CADM4: variants seen among roughly 807,000 people sequenced by gnomAD.
The protein encoded by CADM4 is TSLC1-like 2.
In CADM4, 13 loss-of-function variants were observed where a neutral mutation model predicts 43.9. The observed-to-expected ratio is 0.30, with a 90% confidence interval of 0.19 to 0.47. The LOEUF (loss-of-function observed/expected upper bound fraction) is 0.47. Ranked by LOEUF, CADM4 falls within the 20% of genes least tolerant of loss-of-function variation. The pLI is 1.00. For synonymous variants in CADM4, 209 were observed against 220.9 expected (o/e 0.95, Z 0.48); for missense variants, 420 against 527.0 (o/e 0.80, Z 1.99).
chr19:43,632,443 C>T (rs1973639318), intron 1 of CADM4, among the ~76,000 whole-genome samples: 2 of 152,134 alleles, frequency 1.3e-5, no homozygotes, highest in South Asian at 4.1e-4. Flanking sequence ...GATCAATTCA[C>T]CTTTCTGCTT....
At chr19:43,639,553 C>T (rs1973745262) in intron 1 of CADM4, among the ~76,000 whole-genome samples, 174 bp downstream of exon 1, 2 of 150,296 alleles carry the variant, frequency 1.3e-5, no homozygotes, top group South Asian at 2.1e-4. Flanking sequence ...CCCGCGCCCC[C>T]TCCCCCGCTC....
At chr19:43,632,750 T>C (rs1177933707) in intron 1 of CADM4, among the ~76,000 whole-genome samples, 21 of 152,260 alleles carry the variant, frequency 1.4e-4, no homozygotes. Flanking sequence ...CTTCCCTCAC[T>C]GCTCATCCCT....
Position 43,627,180 on chromosome 19 carries a change from G to C in CADM4, c.350C>G (p.Thr117Arg). ...GAGGGCGTTACCTAGTACCGTGAGC[G>C]TGGCAATCTGGTGGTGGGTGTCTTC... is the stretch of plus-strand genomic sequence containing the variant. ...YTEDTHHQIA[T>R]LTVLVAPENP... Residue 117 changes from threonine (T) to arginine (R), a missense_variant, in exon 3 of 9, where the codon ACG becomes AGG. Transcript: ENST00000222374. The surrounding 1 kb of genome is among the most constrained non-coding windows in gnomAD (Gnocchi z 4.0). 6.2e-7 allele frequency: 1 copy of C among 1,600,202 alleles called. No individual in the cohort carries two copies. Among genetic ancestry groups the C allele is most frequent in the Non-Finnish European group, 8.5e-7 (1 of 1,171,802 alleles).
intron 1 of CADM4, among the ~76,000 whole-genome samples, chr19:43,630,979 C>CA (rs1482865509): frequency 6.6e-6 from 1 of 152,044 alleles, no homozygotes; most frequent in Non-Finnish European, 1.5e-5. Context: ...GCTGAGTAGT[C>CA]AGAGATGAGT....
At chr19:43,635,271 C>T (rs1973685122) in intron 1 of CADM4, among the ~76,000 whole-genome samples, 1 of 152,104 alleles carries the variant, frequency 6.6e-6, no homozygotes, top group Non-Finnish European at 1.5e-5. Flanking sequence ...GCCTCCTTCC[C>T]CCTTCCTCCC....
upstream of CADM4, among the ~76,000 whole-genome samples, chr19:43,641,772 A>G (rs940606392): frequency 6.6e-6 from 1 of 152,220 alleles, no homozygotes; most frequent in Non-Finnish European, 1.5e-5. Context: ...TCCTCTTTCC[A>G]GGGCTCACAT....
At position 43,627,596 on chromosome 19, in the gene CADM4, C is replaced by CA; in HGVS notation, c.211+47dup. ...TTTCAGGACATGGGAGCCTGGGCCCCAGCCCTCTCTTCCTTTAAGACTCCT... is the reference window on the plus strand; with the variant it reads ...TTTCAGGACATGGGAGCCTGGGCCCCAAGCCCTCTCTTCCTTTAAGACTCCT... On this transcript the variant is annotated intron_variant, in intron 2 of 8. Transcript: ENST00000222374. The surrounding 1 kb of genome is among the most constrained non-coding windows in gnomAD (Gnocchi z 4.0). The CA allele has an allele frequency of 1.3e-6, 2 of 1,576,198 alleles. No individual in the cohort carries two copies. Among genetic ancestry groups the CA allele is most frequent in the South Asian group, 2.2e-5 (2 of 88,930 alleles).
chr19:43,641,288 C>G (rs1159652608), upstream of CADM4, among the ~76,000 whole-genome samples: 1 of 152,122 alleles, frequency 6.6e-6, no homozygotes, highest in East Asian at 1.9e-4. Context: ...CTTTTTATTC[C>G]GACTAAAAAA....
At chr19:43,636,612 C>T (rs1973707612) in intron 1 of CADM4, among the ~76,000 whole-genome samples, 1 of 152,122 alleles carries the variant, frequency 6.6e-6, no homozygotes, top group Non-Finnish European at 1.5e-5. Flanking sequence ...CCCCCCACCC[C>T]TCCCAGAGAG....
In CADM4 at chr19:43,623,206, G is replaced by A. The variant is rs1973466274; in HGVS notation, c.*124C>T. 1 of 733,156 alleles carries A rather than the reference G, an allele frequency of 1.4e-6. No individual in the cohort carries two copies. Among genetic ancestry groups the A allele is most frequent in the African/African-American group, 1.7e-5 (1 of 58,016 alleles). 45.4% of individuals were successfully genotyped at this position (733,156 alleles called of 1,614,324 possible). On this transcript the variant is annotated 3_prime_UTR_variant, in exon 9 of 9. Transcript: ENST00000222374. This position sits in a 1 kb window ranked among gnomAD's most constrained non-coding sequence, Gnocchi z 4.4. Reference sequence around the variant, plus strand: ...CCATCCCTGCCCAAGCGTCTGAGGTGTTAGTGGTGGGGGGAGAAGCCCACC... The same window carrying A: ...CCATCCCTGCCCAAGCGTCTGAGGTATTAGTGGTGGGGGGAGAAGCCCACC...
chr19:43,626,564 TC>T lies in CADM4; in HGVS notation c.499+219del, dbSNP rs1973531864. Among the ~76,000 whole-genome samples, 1 of 152,178 alleles carries T rather than the reference TC, an allele frequency of 6.6e-6. No homozygotes were observed. The highest frequency in any genetic ancestry group is 1.9e-4 in the East Asian group (1 of 5,202). Reference sequence around the variant, plus strand: ...TATATATATACTTAGAGACAGGGTCTCACAATGTTGGGCAGGTTGAACTCCT... The same window carrying T: ...TATATATATACTTAGAGACAGGGTCTACAATGTTGGGCAGGTTGAACTCCT... On this transcript the variant is annotated intron_variant, in intron 4 of 8. Transcript: ENST00000222374. This position sits in a 1 kb window ranked among gnomAD's most constrained non-coding sequence, Gnocchi z 5.9.
chr19:43,631,022 G>A (rs1973615082), intron 1 of CADM4, among the ~76,000 whole-genome samples: 1 of 152,136 alleles, frequency 6.6e-6, no homozygotes, highest in Admixed American at 6.6e-5. Context: ...AGATTTATGG[G>A]AAGGTAGGAA....
chr19:43,626,977 G>A lies in CADM4; in HGVS notation c.365-59C>T, dbSNP rs746776033. On this transcript the variant is annotated intron_variant, in intron 3 of 8. Transcript: ENST00000222374. The surrounding 1 kb of genome is among the most constrained non-coding windows in gnomAD (Gnocchi z 5.9). The stretch of plus-strand genomic sequence containing the variant: ...GAAGGCACGAACGTGGGCTCAAAGC[G>A]ATCGAGCTGCCTGTTCCCAGCGACC... 6.6e-7 allele frequency: 1 copy of A among 1,512,838 alleles called. No homozygotes were observed. The allele number at this position is 1,512,838 out of a possible 1,614,324, so 93.7% of individuals were successfully genotyped here.
intron 1 of CADM4, among the ~76,000 whole-genome samples, chr19:43,629,514 C>A (rs977164400): frequency 6.6e-6 from 1 of 152,176 alleles, no homozygotes; most frequent in African/African-American, 2.4e-5. Context: ...CCCATAGCTA[C>A]CAATTATTAG....
upstream of CADM4, among the ~76,000 whole-genome samples, chr19:43,640,648 C>T (rs1395660371): frequency 6.6e-6 from 1 of 152,070 alleles, no homozygotes. Flanking sequence ...GAACACCTTC[C>T]AAGCCCTGGC....
chr19:43,630,281 CTTTTTTT>C (rs59489315), intron 1 of CADM4, among the ~76,000 whole-genome samples: 1 of 73,442 alleles, frequency 1.4e-5, no homozygotes, highest in African/African-American at 6.0e-5. Flanking sequence ...TTTTTCTTTT[CTTTTTTT>C]TTTTTTTTTT....
Position 43,624,196 on chromosome 19 carries a change from A to G in CADM4, c.975T>C (p.Ile325=). 6.2e-7 allele frequency: 1 copy of G among 1,614,158 alleles called. No homozygotes were observed. The highest frequency in any genetic ancestry group is 8.5e-7 in the Non-Finnish European group (1 of 1,180,022). ...VEAQTSVPYA[I]VGGILALLVF... Reference sequence around the variant, plus strand: ...CCAGCAGCGCCAGGATGCCGCCCACAATGGCATAGGGAACCGACGTCTGAG... The same window carrying G: ...CCAGCAGCGCCAGGATGCCGCCCACGATGGCATAGGGAACCGACGTCTGAG... Residue 325 remains isoleucine, a synonymous_variant, in exon 8 of 9, where the codon ATT becomes ATC. Coordinates refer to ENST00000222374, the MANE Select transcript of CADM4 (RefSeq NM_145296.2).
At chr19:43,636,009 C>A (rs1973699175) in intron 1 of CADM4, among the ~76,000 whole-genome samples, 1 of 147,268 alleles carries the variant, frequency 6.8e-6, no homozygotes, top group African/African-American at 2.5e-5. Flanking sequence ...TCCAGGCCCC[C>A]AGACCCTCCT....
Position 43,627,557 on chromosome 19 carries a change from T to C in CADM4, c.211+87A>G. ...CTCCGAGACCCAGGAGACCAAACTCTCAGGTGTGTCCTCTTTCAGGACATG... is the reference window on the plus strand; with the variant it reads ...CTCCGAGACCCAGGAGACCAAACTCCCAGGTGTGTCCTCTTTCAGGACATG... On this transcript the variant is annotated intron_variant, in intron 2 of 8. Coordinates refer to ENST00000222374, the MANE Select transcript of CADM4 (RefSeq NM_145296.2). This position sits in a 1 kb window ranked among gnomAD's most constrained non-coding sequence, Gnocchi z 4.0. 1 of 1,463,890 alleles carries C rather than the reference T, an allele frequency of 6.8e-7. No individual in the cohort carries two copies. Among genetic ancestry groups the C allele is most frequent in the Non-Finnish European group, 9.3e-7 (1 of 1,080,150 alleles). 90.7% of individuals were successfully genotyped at this position (1,463,890 alleles called of 1,614,324 possible).
Sources: gnomAD v4.1 joint callset for allele counts (sites outside exome capture counted in the v4.1 genomes callset) on GRCh38, gnomAD v4.1.1 for gene constraint, Gnocchi (gnomAD v3.1) non-coding constraint, MANE v1.5 for transcripts, NCBI Gene and HGNC (gene_info 2026-07-23, HGNC 2026-07-21) for gene names.